Variants in CHODL observed in about 807,000 individuals in gnomAD.
CHODL encodes transmembrane protein MT75.
Under a neutral mutation model 34.5 loss-of-function variants are expected in CHODL, and 29 were observed. That is an observed-to-expected ratio of 0.84 (90% CI 0.63 to 1.15). The LOEUF is 1.15. Among genes scored for constraint, CHODL ranks in the 50% most tolerant of loss-of-function variants. The probability of loss-of-function intolerance (pLI) is 0.00; values close to 1 mark genes in which losing one functional copy is unlikely to be tolerated. For synonymous variants in CHODL, 125 were observed against 116.1 expected (o/e 1.08, Z -0.49); for missense variants, 332 against 332.5 (o/e 1.00, Z 0.01).
chr21:18,256,824 T>C lies in CHODL; in HGVS notation c.389+6T>C, dbSNP rs745939386. The C allele has an allele frequency of 6.2e-7, 1 of 1,609,614 alleles. No homozygotes were observed. Among genetic ancestry groups the C allele is most frequent in the East Asian group, 2.2e-5 (1 of 44,816 alleles). On this transcript the variant is annotated splice_donor_region_variant and intron_variant, in intron 2 of 5. Coordinates refer to ENST00000299295, the MANE Select transcript of CHODL (RefSeq NM_024944.3). ...GGAAGCAATTCCCAGTACCGGTGAGTATGGATCTTGAGCAGTTGGCAGGTG... is the reference window on the plus strand; with the variant it reads ...GGAAGCAATTCCCAGTACCGGTGAGCATGGATCTTGAGCAGTTGGCAGGTG...
intron 2 of CHODL, among the ~76,000 whole-genome samples, chr21:18,171,871 T>TCCTTAAAAGCCTTAAAAG (rs2073237271): frequency 6.6e-6 from 1 of 152,208 alleles, no homozygotes; most frequent in South Asian, 2.1e-4. Context: ...GACAGAGTTT[T>TCCTTAAAAGCCTTAAAAG]CCTTAAAAGC....
chr21:18,063,023 A>G (rs1301128263), intron 2 of CHODL, among the ~76,000 whole-genome samples: 1 of 152,220 alleles, frequency 6.6e-6, no homozygotes, highest in South Asian at 2.1e-4. Context: ...AGAAAAAAGC[A>G]GAATATGGCT....
intron 2 of CHODL, among the ~76,000 whole-genome samples, chr21:18,147,621 T>C (rs1034704805): frequency 1.3e-5 from 2 of 152,362 alleles, no homozygotes; most frequent in Non-Finnish European, 2.9e-5. Flanking sequence ...ATTGGCAGTC[T>C]TTTTCTGCAA....
chr21:18,007,402 C>G (rs563706727), intron 1 of CHODL, among the ~76,000 whole-genome samples: 1 of 152,186 alleles, frequency 6.6e-6, no homozygotes, highest in South Asian at 2.1e-4. Flanking sequence ...TATGAGCAGA[C>G]AGAGGAATAA....
At chr21:18,063,608 A>C (rs1401761163) in intron 2 of CHODL, among the ~76,000 whole-genome samples, 1 of 152,224 alleles carries the variant, frequency 6.6e-6, no homozygotes, top group Admixed American at 6.5e-5. Flanking sequence ...TTTTCAAATA[A>C]ATTAAAATTT....
chr21:18,208,636 A>G (rs2073739602), intron 2 of CHODL, among the ~76,000 whole-genome samples: 1 of 152,214 alleles, frequency 6.6e-6, no homozygotes, highest in Admixed American at 6.5e-5. Context: ...CATCTTGTGA[A>G]GGCTTTCCAG....
chr21:18,104,177 G>A (rs1283258195), intron 2 of CHODL, among the ~76,000 whole-genome samples: 1 of 152,170 alleles, frequency 6.6e-6, no homozygotes, highest in African/African-American at 2.4e-5. Flanking sequence ...AGTGAAGTGG[G>A]TTTATGCATG....
Position 18,115,454 on chromosome 21 carries a change from T to A in CHODL, c.-45+87483T>A, listed in dbSNP as rs575534238. Reference sequence around the variant, plus strand: ...AGACTTATTCTGTAACTCCAGGGAATCTCTCTGCCCTCCCTTCTTTTTTCC... The same window carrying A: ...AGACTTATTCTGTAACTCCAGGGAAACTCTCTGCCCTCCCTTCTTTTTTCC... On this transcript the variant is annotated intron_variant, in intron 2 of 6. Coordinates refer to the CHODL transcript ENST00000400127. 1.4e-4 allele frequency among the ~76,000 whole-genome samples: 22 copies of A among 152,332 alleles called. No individual in the cohort carries two copies. The South Asian group carries it at 4.6e-3, about 32-fold the overall frequency.
intron 2 of CHODL, among the ~76,000 whole-genome samples, chr21:18,059,192 A>T (rs2064624155): frequency 6.6e-6 from 1 of 152,166 alleles, no homozygotes; most frequent in African/African-American, 2.4e-5. Context: ...CTCTGTACAC[A>T]CACAGAGAAA....
chr21:18,191,908 A>AGTATT lies in CHODL; in HGVS notation c.-44-64591_-44-64587dup, dbSNP rs1288247245. Among the ~76,000 whole-genome samples, 5 of 152,328 alleles carry AGTATT rather than the reference A, an allele frequency of 3.3e-5. No homozygotes were observed. The East Asian group carries it at 9.6e-4, about 29-fold the overall frequency. ...GTGTAACACTCTCCCTATAGTTAACAGTATTGTATTGTATACTTAAAATTT... is the reference window on the plus strand; with the variant it reads ...GTGTAACACTCTCCCTATAGTTAACAGTATTGTATTGTATTGTATACTTAAAATTT... On this transcript the variant is annotated intron_variant, in intron 2 of 6. Coordinates refer to the CHODL transcript ENST00000400127.
chr21:17,999,952 TGAG>T (rs898894390), intron 1 of CHODL, among the ~76,000 whole-genome samples: 20 of 152,256 alleles, frequency 1.3e-4, no homozygotes, highest in Admixed American at 9.8e-4. Flanking sequence ...ATGCTCAAGA[TGAG>T]GAGAGAAATA....
At chr21:18,077,648 C>A (rs940911095) in intron 2 of CHODL, among the ~76,000 whole-genome samples, 1 of 152,152 alleles carries the variant, frequency 6.6e-6, no homozygotes, top group Non-Finnish European at 1.5e-5. Context: ...CCAGAGAGCT[C>A]CTTTGCCCAT....
chr21:18,247,240 G>T (rs1044244362), intron 1 of CHODL, among the ~76,000 whole-genome samples: 2 of 152,164 alleles, frequency 1.3e-5, no homozygotes, highest in Admixed American at 6.5e-5. Flanking sequence ...TCAATTTTTC[G>T]TGCCACTTGG....
intron 2 of CHODL, among the ~76,000 whole-genome samples, chr21:18,179,230 C>G (rs1389998382): frequency 6.6e-6 from 1 of 152,124 alleles, no homozygotes; most frequent in Non-Finnish European, 1.5e-5. Context: ...CCTTTGGTCT[C>G]TATTTGTTCC....
intron 2 of CHODL, among the ~76,000 whole-genome samples, chr21:18,050,735 A>G (rs1252348535): frequency 6.6e-6 from 1 of 151,748 alleles, no homozygotes; most frequent in Non-Finnish European, 1.5e-5. Context: ...GAGATCCAAG[A>G]GTGTAGGTTG....
At chr21:17,976,270 G>GAAAAAA (rs71318119) in intron 1 of CHODL, among the ~76,000 whole-genome samples, 8 of 66,520 alleles carry the variant, frequency 1.2e-4, no homozygotes, top group South Asian at 6.7e-4. Flanking sequence ...GACCATCTCA[G>GAAAAAA]AAAAAAAAAA....
chr21:17,950,403 A>T (rs1245906269), intron 1 of CHODL, among the ~76,000 whole-genome samples: 1 of 151,952 alleles, frequency 6.6e-6, no homozygotes, highest in Non-Finnish European at 1.5e-5. Context: ...AAAAAAATAG[A>T]CATATTACAG....
intron 2 of CHODL, among the ~76,000 whole-genome samples, chr21:18,100,279 T>C (rs942549667): frequency 6.6e-6 from 1 of 151,918 alleles, no homozygotes; most frequent in African/African-American, 2.4e-5. Flanking sequence ...AAGGTCCTGA[T>C]AATAGATGTT....
chr21:18,115,375 G>A (rs1303449719), intron 2 of CHODL, among the ~76,000 whole-genome samples: 1 of 152,144 alleles, frequency 6.6e-6, no homozygotes, highest in Non-Finnish European at 1.5e-5. Context: ...CCTACTGCTA[G>A]CTTGCTTACC....
Sources: gnomAD v4.1 joint callset for allele counts (sites outside exome capture counted in the v4.1 genomes callset) on GRCh38, gnomAD v4.1.1 for gene constraint, MANE v1.5 for transcripts, NCBI Gene and HGNC (gene_info 2026-07-23, HGNC 2026-07-21) for gene names.